The following SLC15A2 variants were observed in gnomAD, a reference collection of about 807,000 sequenced individuals.
The protein encoded by SLC15A2 is kidney H(+)/peptide cotransporter.
In SLC15A2, 77 loss-of-function variants were observed where a neutral mutation model predicts 95.5. The observed-to-expected ratio is 0.81, with a 90% confidence interval of 0.67 to 0.97. The LOEUF (loss-of-function observed/expected upper bound fraction) is 0.97, where lower values mean the gene tolerates loss of function less well. Among genes scored for constraint, SLC15A2 ranks in the 50% least tolerant of loss-of-function variants. The pLI is 0.00. For synonymous variants in SLC15A2, 306 were observed against 306.9 expected (o/e 1.00, Z 0.03); for missense variants, 893 against 874.4 (o/e 1.02, Z -0.27).
chr3:121,929,328 C>A lies in SLC15A2; in HGVS notation c.1533C>A (p.Thr511=), dbSNP rs76469580. The change falls in exon 17 of 22, where the codon ACC becomes ACA. Residue 511 remains threonine, a synonymous_variant. Coordinates refer to ENST00000489711, the MANE Select transcript of SLC15A2 (RefSeq NM_021082.4). ...MMVKDTESRT[T]NGMTTVRFVN... is the part of the protein sequence containing the mutation. Reference sequence around the variant, plus strand: ...TAAAGGATACAGAAAGCAGAACAACCAATGGGATGACAACCGTGAGGTTTG... The same window carrying A: ...TAAAGGATACAGAAAGCAGAACAACAAATGGGATGACAACCGTGAGGTTTG... 110 of 1,613,768 alleles carry A rather than the reference C, an allele frequency of 6.8e-5. No homozygotes were observed. The highest frequency in any genetic ancestry group is 8.5e-5 in the Non-Finnish European group (100 of 1,179,852).
Position 121,894,531 on chromosome 3 carries a change from A to G in SLC15A2, c.55A>G (p.Ile19Val), listed in dbSNP as rs368699961. 9 of 1,614,052 alleles carry G rather than the reference A, an allele frequency of 5.6e-6. No individual in the cohort carries two copies. In the African/African-American group the frequency reaches 9.3e-5, roughly 17 times the overall value. ...GGAAACTCTTTTTTCACCTGTCTCC[A>G]TTGAAGAGGTACCACCTCGACCACC... ...SKETLFSPVS[I>V]EEVPPRPPSP... Residue 19 changes from isoleucine (I) to valine (V), a missense_variant, in exon 1 of 22, where the codon ATT becomes GTT. By Grantham distance (29) the Ile-to-Val change is conservative (BLOSUM62 3). Coordinates refer to ENST00000489711, the MANE Select transcript of SLC15A2 (RefSeq NM_021082.4).
chr3:121,902,031 G>A (rs895198894), intron 3 of SLC15A2, among the ~76,000 whole-genome samples: 2 of 152,180 alleles, frequency 1.3e-5, no homozygotes, highest in East Asian at 1.9e-4. Flanking sequence ...TATGTTAAGA[G>A]GAAATGGGCA....
chr3:121,925,224 G>C (rs1710091691), intron 13 of SLC15A2, among the ~76,000 whole-genome samples, 191 bp downstream of exon 13: 1 of 151,478 alleles, frequency 6.6e-6, no homozygotes, highest in Admixed American at 6.6e-5. Context: ...TAATTAATGA[G>C]AGTCAAAGCC....
In SLC15A2 at chr3:121,940,834, G is replaced by A. The variant is rs771329883; in HGVS notation, c.2017G>A (p.Ala673Thr). Residue 673 changes from alanine to threonine, a missense_variant, in exon 22 of 22, where the codon GCC becomes ACC. Physicochemically the swap from Ala to Thr is moderately conservative, Grantham distance 58. Coordinates refer to ENST00000489711, the MANE Select transcript of SLC15A2 (RefSeq NM_021082.4). Reference sequence around the variant, plus strand: ...TCATATTTATTTCCCCCTGCAGTGGGCCGAATTCATTTTGTTTTCCTGCCT... The same window carrying A: ...TCATATTTATTTCCCCCTGCAGTGGACCGAATTCATTTTGTTTTCCTGCCT... Reference protein sequence around the residue: ...VAQFSGLVQWAEFILFSCLLL... With the variant: ...VAQFSGLVQWTEFILFSCLLL... The A allele has an allele frequency of 6.2e-7, 1 of 1,611,494 alleles. No individual in the cohort carries two copies. Among genetic ancestry groups the A allele is most frequent in the Non-Finnish European group, 8.5e-7 (1 of 1,179,060 alleles).
At chr3:121,917,470 C>T (rs912529271) in intron 7 of SLC15A2, among the ~76,000 whole-genome samples, 9 of 152,234 alleles carry the variant, frequency 5.9e-5, no homozygotes, top group South Asian at 2.1e-4. Context: ...AGGAGGATTG[C>T]GTGAGCTCAG....
chr3:121,925,783 A>C (rs12330644), intron 13 of SLC15A2, among the ~76,000 whole-genome samples: 1 of 47,146 alleles, frequency 2.1e-5, no homozygotes, highest in East Asian at 1.0e-3. Context: ...TATATATATA[A>C]AATACAACTA....
intron 3 of SLC15A2, among the ~76,000 whole-genome samples, chr3:121,899,979 T>G (rs188152675): frequency 6.6e-6 from 1 of 152,278 alleles, no homozygotes; most frequent in African/African-American, 2.4e-5. Context: ...TACAGTATAT[T>G]TTTCTCACTC....
At chr3:121,925,562 A>C (rs1710098817) in intron 13 of SLC15A2, among the ~76,000 whole-genome samples, 1 of 150,198 alleles carries the variant, frequency 6.7e-6, no homozygotes, top group South Asian at 2.1e-4. Flanking sequence ...TTTAATAGCA[A>C]TTTCATTGTG....
chr3:121,912,683 C>G (rs1709794037), intron 4 of SLC15A2, among the ~76,000 whole-genome samples: 1 of 152,102 alleles, frequency 6.6e-6, no homozygotes, highest in Non-Finnish European at 1.5e-5. Flanking sequence ...CATTGAAGTA[C>G]TCCTTTGACC....
At chr3:121,912,952 G>C in intron 4 of SLC15A2, 69 bp from the exon 5 acceptor site, 1 of 1,095,280 alleles carries the variant, frequency 9.1e-7, no homozygotes, top group Non-Finnish European at 1.4e-6. Context: ...CCCCTCTGCA[G>C]CTCTGTAGTC....
At chr3:121,899,932 T>G (rs995398885) in intron 3 of SLC15A2, among the ~76,000 whole-genome samples, 4 of 152,178 alleles carry the variant, frequency 2.6e-5, no homozygotes, top group African/African-American at 9.6e-5. Flanking sequence ...AACATTTCAG[T>G]CTGTTTATCA....
chr3:121,931,603 T>G, intron 18 of SLC15A2, 36 bp from the exon 19 acceptor site: 69 of 1,379,106 alleles, frequency 5.0e-5, no homozygotes, highest in Non-Finnish European at 6.7e-5. Flanking sequence ...TTCCAAGCCT[T>G]GATATTTATT....
intron 12 of SLC15A2, 40 bp downstream of exon 12, chr3:121,924,423 C>G (rs1333536584): frequency 2.6e-6 from 4 of 1,558,976 alleles, no homozygotes; most frequent in Non-Finnish European, 3.5e-6. Context: ...TTATTTGTTT[C>G]CTTATCTATG....
chr3:121,919,438 G>C (rs1709963428), intron 7 of SLC15A2, among the ~76,000 whole-genome samples: 1 of 152,216 alleles, frequency 6.6e-6, no homozygotes, highest in African/African-American at 2.4e-5. Flanking sequence ...CCCGAAGTAG[G>C]TAGCCGTCTG....
At chr3:121,916,406 T>C (rs946862969) in intron 7 of SLC15A2, among the ~76,000 whole-genome samples, 5 of 152,198 alleles carry the variant, frequency 3.3e-5, no homozygotes, top group Middle Eastern at 3.4e-3. Context: ...AGCCTCAGAG[T>C]GACACCCCCT....
intron 7 of SLC15A2, among the ~76,000 whole-genome samples, chr3:121,921,195 T>C (rs1291721414): frequency 1.3e-5 from 2 of 152,170 alleles, no homozygotes; most frequent in Non-Finnish European, 2.9e-5. Context: ...AAATGATGAA[T>C]AGTGTTTACA....
intron 5 of SLC15A2, 127 bp from the exon 6 acceptor site, chr3:121,915,100 T>C (rs958149212): frequency 9.9e-6 from 11 of 1,106,714 alleles, no homozygotes; most frequent in Non-Finnish European, 1.2e-5. Context: ...TAATATGAAA[T>C]TCAGGTATTG....
chr3:121,904,125 G>T (rs1179243506), intron 3 of SLC15A2, among the ~76,000 whole-genome samples: 1 of 152,182 alleles, frequency 6.6e-6, no homozygotes, highest in Non-Finnish European at 1.5e-5. Context: ...GTGGATGGAA[G>T]TTCACTCATG....
At chr3:121,929,870 A>G (rs900737431) in intron 17 of SLC15A2, among the ~76,000 whole-genome samples, 3 of 152,188 alleles carry the variant, frequency 2.0e-5, no homozygotes, top group African/African-American at 7.2e-5. Flanking sequence ...CCAAGAGGAC[A>G]TGTGTTCTCT....
Sources: gnomAD v4.1 joint callset for allele counts (sites outside exome capture counted in the v4.1 genomes callset) on GRCh38, gnomAD v4.1.1 for gene constraint, MANE v1.5 for transcripts, NCBI Gene and HGNC (gene_info 2026-07-23, HGNC 2026-07-21) for gene names.